The following GNG12 variants were observed in gnomAD, a reference collection of about 807,000 sequenced individuals.
The protein encoded by GNG12 is guanine nucleotide-binding protein G(I)/G(S)/G(O) subunit gamma-12.
For synonymous variants in GNG12, 28 were observed against 29.7 expected (o/e 0.94, Z 0.19); for missense variants, 69 against 83.8 (o/e 0.82, Z 0.69).
chr1:67,818,467 C>G (rs979588718), intron 1 of GNG12, among the ~76,000 whole-genome samples: 2 of 86,938 alleles, frequency 2.3e-5, no homozygotes, highest in Admixed American at 3.6e-4. Context: ...TGGACCAATT[C>G]TTTCATAAAA....
intron 1 of GNG12, among the ~76,000 whole-genome samples, chr1:67,817,383 G>A (rs1646958796): frequency 2.0e-5 from 3 of 152,198 alleles, no homozygotes; most frequent in South Asian, 4.1e-4. Context: ...GATAAGGAAA[G>A]CAATACCTAC....
intron 2 of GNG12, among the ~76,000 whole-genome samples, chr1:67,728,226 G>C (rs1482915854): frequency 1.3e-5 from 2 of 152,162 alleles, no homozygotes; most frequent in Non-Finnish European, 2.9e-5. Context: ...CAGAGTCAGA[G>C]TATCAGGGTA....
At chr1:67,725,506 T>G (rs1408793839) in intron 2 of GNG12, among the ~76,000 whole-genome samples, 1 of 152,218 alleles carries the variant, frequency 6.6e-6, no homozygotes, top group African/African-American at 2.4e-5. Flanking sequence ...TCACAGTATC[T>G]AAATGTTTAT....
chr1:67,703,868 C>G lies in GNG12; in HGVS notation c.*1583G>C, dbSNP rs1035351469. On this transcript the variant is annotated 3_prime_UTR_variant, in exon 4 of 4. Transcript: ENST00000370982. The stretch of plus-strand genomic sequence containing the variant: ...TTTAAAAGGGGTTTGCTTTCCAGGA[C>G]AGATTGTACAAAATTTGGGAAAATC... 1 of 152,214 alleles carries G rather than the reference C, an allele frequency of 6.6e-6. No homozygotes were observed. The highest frequency in any genetic ancestry group is 1.9e-4 in the East Asian group (1 of 5,200). 9.4% of individuals were successfully genotyped at this position (152,214 alleles called of 1,614,324 possible). A position where few individuals can be genotyped will look rare whatever the true frequency, so the allele number is the denominator to read the frequency against.
At chr1:67,801,695 G>T (rs932633232) in intron 1 of GNG12, among the ~76,000 whole-genome samples, 4 of 152,178 alleles carry the variant, frequency 2.6e-5, no homozygotes, top group South Asian at 2.1e-4. Context: ...TTGGTGGGGA[G>T]TGTCAGACCT....
chr1:67,734,693 C>G (rs1002232200), intron 2 of GNG12, among the ~76,000 whole-genome samples: 1 of 152,074 alleles, frequency 6.6e-6, no homozygotes, highest in Non-Finnish European at 1.5e-5. Flanking sequence ...GTTGCAGGAT[C>G]GTAGCTTACT....
At chr1:67,728,907 G>A (rs558332970) in intron 2 of GNG12, among the ~76,000 whole-genome samples, 1 of 152,334 alleles carries the variant, frequency 6.6e-6, no homozygotes, top group East Asian at 1.9e-4. Flanking sequence ...AGGCACCACT[G>A]TTGGTAGTTC....
intron 1 of GNG12, among the ~76,000 whole-genome samples, chr1:67,784,704 G>C (rs1203223472): frequency 6.6e-6 from 1 of 152,070 alleles, no homozygotes; most frequent in African/African-American, 2.4e-5. Context: ...GTAATCAACA[G>C]GTAATATATG....
chr1:67,766,796 A>G (rs1279791295), intron 2 of GNG12, among the ~76,000 whole-genome samples: 1 of 152,032 alleles, frequency 6.6e-6, no homozygotes, highest in Non-Finnish European at 1.5e-5. Context: ...TACCCTGAGG[A>G]TGGCATCTGG....
chr1:67,784,119 T>C (rs1174968628), intron 1 of GNG12, among the ~76,000 whole-genome samples: 1 of 150,110 alleles, frequency 6.7e-6, no homozygotes, highest in Non-Finnish European at 1.5e-5. Context: ...ATATACACCA[T>C]GGAATACTAT....
At chr1:67,806,663 A>C (rs1299669053) in intron 1 of GNG12, among the ~76,000 whole-genome samples, 1 of 152,180 alleles carries the variant, frequency 6.6e-6, no homozygotes, top group African/African-American at 2.4e-5. Context: ...CAGAGCTGAC[A>C]AGGAAAGTTA....
intron 2 of GNG12, among the ~76,000 whole-genome samples, chr1:67,714,332 C>G (rs1646312644): frequency 6.6e-6 from 1 of 152,166 alleles, no homozygotes; most frequent in African/African-American, 2.4e-5. Context: ...GGGACACATT[C>G]AGGGATTCGC....
intron 2 of GNG12, among the ~76,000 whole-genome samples, chr1:67,717,309 A>C (rs1258204145): frequency 2.6e-5 from 4 of 152,118 alleles, no homozygotes; most frequent in African/African-American, 4.8e-5. Flanking sequence ...TGAGGTCAGG[A>C]GTTGAGACCA....
At position 67,827,751 on chromosome 1, in the gene GNG12, A is replaced by G. The variant is rs144906594; in HGVS notation, c.-77+5593T>C. Among the ~76,000 whole-genome samples the G allele has an allele frequency of 3.6e-3, 549 of 152,220 alleles. 5 individuals carry two copies. The highest frequency in any genetic ancestry group is 0.012 in the African/African-American group (516 of 41,530). ...ACACTCCAGTTTTTATTATACAGTA[A>G]TTCTCTGAAATGCAGACCCATTAAA... On this transcript the variant is annotated intron_variant, in intron 1 of 3. Coordinates refer to ENST00000370982, the MANE Select transcript of GNG12 (RefSeq NM_018841.6).
chr1:67,797,259 A>G (rs1316770272), intron 1 of GNG12, among the ~76,000 whole-genome samples: 1 of 152,204 alleles, frequency 6.6e-6, no homozygotes, highest in Non-Finnish European at 1.5e-5. Context: ...ACAGACAATC[A>G]TGCTCATCAG....
intron 2 of GNG12, among the ~76,000 whole-genome samples, chr1:67,771,412 G>C (rs145135724): frequency 8.5e-5 from 13 of 152,336 alleles, no homozygotes; most frequent in Non-Finnish European, 1.2e-4. Context: ...AAGTAAAGTA[G>C]TAGGAACCTG....
intron 1 of GNG12, among the ~76,000 whole-genome samples, chr1:67,796,723 A>T (rs1187822686): frequency 1.3e-5 from 2 of 152,180 alleles, no homozygotes; most frequent in African/African-American, 4.8e-5. Context: ...ATATTTTGCT[A>T]AGGTCAATAG....
At chr1:67,725,776 T>G (rs1646381541) in intron 2 of GNG12, among the ~76,000 whole-genome samples, 1 of 152,232 alleles carries the variant, frequency 6.6e-6, no homozygotes, top group Non-Finnish European at 1.5e-5. Context: ...TTTAGTTCAC[T>G]GAGTTTTGTA....
chr1:67,734,460 C>T (rs1273714944), intron 2 of GNG12, among the ~76,000 whole-genome samples: 1 of 152,136 alleles, frequency 6.6e-6, no homozygotes, highest in Admixed American at 6.5e-5. Flanking sequence ...ACTAATTTAC[C>T]CCTCACAGTC....
Sources: gnomAD v4.1 joint callset for allele counts (sites outside exome capture counted in the v4.1 genomes callset) on GRCh38, gnomAD v4.1.1 for gene constraint, MANE v1.5 for transcripts, NCBI Gene and HGNC (gene_info 2026-07-23, HGNC 2026-07-21) for gene names.